The following CHODL variants were observed in gnomAD, a reference collection of about 807,000 sequenced individuals.
CHODL encodes transmembrane protein MT75.
In CHODL, 29 loss-of-function variants were observed where a neutral mutation model predicts 34.5. The observed-to-expected ratio is 0.84, with a 90% CI of 0.63 to 1.15. CHODL has a LOEUF of 1.15. CHODL is among the 50% of genes most tolerant of loss of function. CHODL has a pLI of 0.00. For synonymous variants in CHODL, 125 were observed against 116.1 expected, an observed-to-expected ratio of 1.08 and a Z score of -0.49; for missense variants, 332 against 332.5, an observed-to-expected ratio of 1.00 and a Z score of 0.01.
intron 2 of CHODL, among the ~76,000 whole-genome samples, chr21:18,052,835 G>A (rs1036698871): frequency 9.9e-5 from 15 of 151,948 alleles, no homozygotes; most frequent in Admixed American, 2.0e-4. Context: ...TTTTGATTTT[G>A]TTAACATGAG....
At chr21:18,112,835 T>C (rs2065368006) in intron 2 of CHODL, among the ~76,000 whole-genome samples, 1 of 152,134 alleles carries the variant, frequency 6.6e-6, no homozygotes. Flanking sequence ...TTGGGGAAAC[T>C]TTCTAGGACA....
At chr21:18,081,037 A>G (rs987056803) in intron 2 of CHODL, among the ~76,000 whole-genome samples, 1 of 152,086 alleles carries the variant, frequency 6.6e-6, no homozygotes, top group Non-Finnish European at 1.5e-5. Context: ...AGTTCTCCTT[A>G]TAGAGATACT....
intron 2 of CHODL, among the ~76,000 whole-genome samples, chr21:18,125,087 C>T (rs12626206): frequency 0.078 from 11,876 of 152,294 alleles, 506 homozygotes; most frequent in East Asian, 0.17. Flanking sequence ...GCAGCTCCAA[C>T]ACTCGCTAGC....
chr21:18,221,073 T>C (rs1440929295), intron 2 of CHODL, among the ~76,000 whole-genome samples: 1 of 152,128 alleles, frequency 6.6e-6, no homozygotes, highest in African/African-American at 2.4e-5. Context: ...ACATAGGTTT[T>C]CTTCATGCTT....
intron 2 of CHODL, among the ~76,000 whole-genome samples, chr21:18,170,673 C>T (rs2073216680): frequency 6.6e-6 from 1 of 152,156 alleles, no homozygotes; most frequent in Non-Finnish European, 1.5e-5. Context: ...TTCACTCTTA[C>T]ATAACCTCAT....
At chr21:18,191,663 T>A (rs1234309671) in intron 2 of CHODL, among the ~76,000 whole-genome samples, 1 of 152,164 alleles carries the variant, frequency 6.6e-6, no homozygotes. Context: ...TTTTTGTGAT[T>A]GAGGTGTAGA....
intron 1 of CHODL, among the ~76,000 whole-genome samples, chr21:17,984,401 G>A (rs1254433866): frequency 1.3e-5 from 2 of 152,072 alleles, no homozygotes; most frequent in Admixed American, 6.6e-5. Context: ...TTGGGATTGC[G>A]GGATCATATG....
In CHODL at chr21:18,085,693, G is replaced by T. The variant is rs570833662; in HGVS notation, c.-45+57722G>T. Reference sequence around the variant, plus strand: ...GAAAATGTCATTCCATTCTCTTCTAGCCTGGAGGTTTTCTGCTAAAAAGTC... The same window carrying T: ...GAAAATGTCATTCCATTCTCTTCTATCCTGGAGGTTTTCTGCTAAAAAGTC... On this transcript the variant is annotated intron_variant, in intron 2 of 6. Coordinates refer to the CHODL transcript ENST00000400127. Among the ~76,000 whole-genome samples, 5 of 152,106 alleles carry T rather than the reference G, an allele frequency of 3.3e-5. No individual in the cohort carries two copies. The South Asian group carries it at 6.2e-4, about 19-fold the overall frequency.
chr21:17,994,552 C>T (rs2063829694), intron 1 of CHODL, among the ~76,000 whole-genome samples: 2 of 152,134 alleles, frequency 1.3e-5, no homozygotes, highest in African/African-American at 2.4e-5. Flanking sequence ...TGTGGATGGC[C>T]CACACGTGTC....
chr21:18,188,022 C>T (rs1323592612), intron 2 of CHODL, among the ~76,000 whole-genome samples: 1 of 152,138 alleles, frequency 6.6e-6, no homozygotes, highest in Admixed American at 6.5e-5. Flanking sequence ...GAAGATTATG[C>T]TTGTCTAGGT....
intron 2 of CHODL, among the ~76,000 whole-genome samples, chr21:18,077,038 G>A (rs1205338055): frequency 6.6e-6 from 1 of 152,202 alleles, no homozygotes; most frequent in African/African-American, 2.4e-5. Context: ...AGCCACCCCA[G>A]TGGGGCCAGA....
intron 1 of CHODL, among the ~76,000 whole-genome samples, chr21:17,929,265 CA>C (rs2076648905): frequency 6.6e-6 from 1 of 152,156 alleles, no homozygotes; most frequent in Non-Finnish European, 1.5e-5. Flanking sequence ...TCATCACTAA[CA>C]ATTCATCAAT....
At chr21:18,248,812 GTATATTA>G (rs1382180771) in intron 1 of CHODL, among the ~76,000 whole-genome samples, 1 of 116,852 alleles carries the variant, frequency 8.6e-6, no homozygotes, top group African/African-American at 3.7e-5. Context: ...ATATATGTAT[GTATATTA>G]TATATGTATG....
At chr21:17,964,271 A>G (rs896284937) in intron 1 of CHODL, among the ~76,000 whole-genome samples, 2 of 152,258 alleles carry the variant, frequency 1.3e-5, no homozygotes, top group Non-Finnish European at 2.9e-5. Context: ...AAACTTATGT[A>G]AGCAGAGTAA....
chr21:18,124,344 A>G (rs978410348), intron 2 of CHODL, among the ~76,000 whole-genome samples: 1 of 152,140 alleles, frequency 6.6e-6, no homozygotes, highest in Non-Finnish European at 1.5e-5. Context: ...CCCACCCACC[A>G]TGTGCTTGGC....
At chr21:18,217,444 C>T (rs2073841153) in intron 2 of CHODL, among the ~76,000 whole-genome samples, 2 of 152,070 alleles carry the variant, frequency 1.3e-5, no homozygotes, top group Admixed American at 6.5e-5. Context: ...ACCATCAGAT[C>T]TCAGGAGAAC....
intron 2 of CHODL, among the ~76,000 whole-genome samples, chr21:18,162,407 T>C (rs980902645): frequency 5.9e-5 from 5 of 85,210 alleles, no homozygotes; most frequent in African/African-American, 1.8e-4. Context: ...ATTCACGTGG[T>C]GTTTTCTCTC....
At position 18,232,853 on chromosome 21, in the gene CHODL, A is replaced by G. The variant is rs146642814; in HGVS notation, c.-44-23656A>G. Among the ~76,000 whole-genome samples the G allele has an allele frequency of 2.6e-4, 39 of 150,532 alleles. No individual in the cohort carries two copies. The East Asian group carries it at 5.5e-3, about 21-fold the overall frequency. On this transcript the variant is annotated intron_variant, in intron 2 of 6. Coordinates refer to the CHODL transcript ENST00000400127. The stretch of plus-strand genomic sequence containing the variant: ...TTTTATGCTTTACATTGTTTTAAAA[A>G]TGTTTTTGACAAATTATATAGTCAA...
chr21:18,055,406 C>T (rs2064566868), intron 2 of CHODL, among the ~76,000 whole-genome samples: 1 of 151,958 alleles, frequency 6.6e-6, no homozygotes, highest in Non-Finnish European at 1.5e-5. Flanking sequence ...GTTTTGAAAA[C>T]TGAGTAGCAA....
Sources: allele counts gnomAD v4.1 joint callset (sites outside exome capture counted in the v4.1 genomes callset), GRCh38; gene constraint gnomAD v4.1.1; transcripts MANE v1.5; gene names NCBI Gene and HGNC (gene_info 2026-07-23, HGNC 2026-07-21).